Variants in EPHB1 observed in about 807,000 individuals in gnomAD.
The protein encoded by EPHB1 is EPH receptor B1.
EPHB1 carries 30 observed loss-of-function variants against 94.4 expected under a neutral mutation model. The ratio of observed to expected loss-of-function variants is 0.32; its 90% CI spans 0.24 to 0.43. EPHB1 has a LOEUF of 0.43. Ranked by LOEUF, EPHB1 falls within the 20% of genes least tolerant of loss-of-function variation. The pLI is 1.00. For synonymous variants in EPHB1, 522 were observed against 489.1 expected, an observed-to-expected ratio of 1.07 and a Z score of -0.89; for missense variants, 1,055 against 1,308.3, an observed-to-expected ratio of 0.81 and a Z score of 2.99.
intron 1 of EPHB1, among the ~76,000 whole-genome samples, chr3:134,907,497 G>A (rs36218): frequency 0.42 from 64,348 of 152,064 alleles, 16,207 homozygotes; most frequent in African/African-American, 0.69. Context: ...GTGAAGTTCC[G>A]TGTCATTTTG....
At chr3:135,067,075 C>T (rs1293829673) in intron 3 of EPHB1, among the ~76,000 whole-genome samples, 2 of 152,160 alleles carry the variant, frequency 1.3e-5, no homozygotes, top group Non-Finnish European at 2.9e-5. Flanking sequence ...GATACCAGCA[C>T]CTGTTCTGGT....
intron 2 of EPHB1, among the ~76,000 whole-genome samples, chr3:134,942,726 A>G (rs569334134): frequency 6.6e-6 from 1 of 152,342 alleles, no homozygotes; most frequent in South Asian, 2.1e-4. Context: ...AGTGAGATGA[A>G]AATGGAGTGG....
intron 3 of EPHB1, among the ~76,000 whole-genome samples, chr3:135,078,653 A>C (rs1391790911): frequency 1.3e-5 from 2 of 152,274 alleles, no homozygotes; most frequent in Non-Finnish European, 2.9e-5. Flanking sequence ...AGAGAGGAAG[A>C]GGGAGTATGG....
intron 1 of EPHB1, among the ~76,000 whole-genome samples, chr3:134,850,970 G>A (rs2036970480): frequency 6.6e-6 from 1 of 152,266 alleles, no homozygotes; most frequent in Non-Finnish European, 1.5e-5. Context: ...ACAATGGAAG[G>A]ATGGGCCTTG....
intron 3 of EPHB1, among the ~76,000 whole-genome samples, chr3:135,030,756 T>G (rs1936416551): frequency 6.6e-6 from 1 of 152,212 alleles, no homozygotes; most frequent in South Asian, 2.1e-4. Flanking sequence ...CTCCACCCAG[T>G]TCAAGCTTCC....
intron 2 of EPHB1, among the ~76,000 whole-genome samples, chr3:134,937,964 A>T (rs1207753967): frequency 1.9e-4 from 17 of 89,362 alleles, no homozygotes; most frequent in African/African-American, 5.5e-4. Context: ...CCTCCTTGTT[A>T]TAGGGCTGGC....
chr3:134,885,727 G>A (rs1402694475), intron 1 of EPHB1, among the ~76,000 whole-genome samples: 2 of 152,202 alleles, frequency 1.3e-5, no homozygotes, highest in Non-Finnish European at 2.9e-5. Flanking sequence ...AGTTACTGTT[G>A]TCTAGGCAGA....
At chr3:135,234,476 C>T (rs981334019) in intron 12 of EPHB1, among the ~76,000 whole-genome samples, 1 of 152,210 alleles carries the variant, frequency 6.6e-6, no homozygotes, top group Non-Finnish European at 1.5e-5. Flanking sequence ...ACTGTTCCAA[C>T]CTCTGCCTGT....
At chr3:135,142,607 G>A (rs929872558) in intron 5 of EPHB1, among the ~76,000 whole-genome samples, 52 of 152,190 alleles carry the variant, frequency 3.4e-4, no homozygotes, top group Non-Finnish European at 4.4e-5. Flanking sequence ...GAGTTGCAGT[G>A]GGCTCATCTG....
At chr3:134,839,358 G>A (rs2036735885) in intron 1 of EPHB1, among the ~76,000 whole-genome samples, 1 of 152,130 alleles carries the variant, frequency 6.6e-6, no homozygotes, top group Non-Finnish European at 1.5e-5. Flanking sequence ...AGCTTCACCT[G>A]GACTTTTAGA....
At chr3:134,943,401 C>T (rs2039157569) in intron 2 of EPHB1, among the ~76,000 whole-genome samples, 1 of 152,208 alleles carries the variant, frequency 6.6e-6, no homozygotes. Context: ...TATATTCCGA[C>T]CAGGGCATGA....
intron 3 of EPHB1, among the ~76,000 whole-genome samples, chr3:135,053,025 G>GTATATATATATATATATATATATA (rs1389207071): frequency 2.2e-5 from 2 of 90,642 alleles, no homozygotes; most frequent in Non-Finnish European, 4.1e-5. Context: ...GTGTGTGTGT[G>GTATATATATATATATATATATATA]TGTATATATA....
chr3:134,969,798 G>C (rs1933899097), intron 3 of EPHB1, among the ~76,000 whole-genome samples: 1 of 152,242 alleles, frequency 6.6e-6, no homozygotes, highest in East Asian at 1.9e-4. Context: ...GAAAAAATCT[G>C]CTCATTCTGA....
At chr3:135,103,241 G>A (rs77960088) in intron 3 of EPHB1, among the ~76,000 whole-genome samples, 2 of 152,258 alleles carry the variant, frequency 1.3e-5, no homozygotes, top group East Asian at 3.9e-4. Flanking sequence ...AAAGTATTAA[G>A]TTATAAAGTC....
At chr3:135,082,692 TAGTG>T (rs1938205391) in intron 3 of EPHB1, among the ~76,000 whole-genome samples, 1 of 152,188 alleles carries the variant, frequency 6.6e-6, no homozygotes, top group South Asian at 2.1e-4. Flanking sequence ...ACACCCCAGA[TAGTG>T]AGATTCATGT....
chr3:135,112,653 C>T (rs1939502942), intron 4 of EPHB1, among the ~76,000 whole-genome samples: 1 of 149,280 alleles, frequency 6.7e-6, no homozygotes, highest in Non-Finnish European at 1.5e-5. Context: ...GGTTTTTTGT[C>T]CTTGTGATAG....
At chr3:134,847,415 G>T (rs1160816266) in intron 1 of EPHB1, among the ~76,000 whole-genome samples, 3 of 152,224 alleles carry the variant, frequency 2.0e-5, no homozygotes, top group African/African-American at 4.8e-5. Flanking sequence ...TCTGTAAAAT[G>T]TGGACACTCC....
At chr3:135,247,874 C>T (rs773493359) in intron 13 of EPHB1, among the ~76,000 whole-genome samples, 1 of 152,126 alleles carries the variant, frequency 6.6e-6, no homozygotes, top group African/African-American at 2.4e-5. Context: ...AGAATGAGTC[C>T]ACCACAAGTT....
At chr3:134,940,088 T>C (rs2039083310) in intron 2 of EPHB1, among the ~76,000 whole-genome samples, 1 of 151,908 alleles carries the variant, frequency 6.6e-6, no homozygotes, top group African/African-American at 2.4e-5. Flanking sequence ...GGAAGGGGAC[T>C]GCTGGTTGTT....
Sources: allele counts gnomAD v4.1 joint callset (sites outside exome capture counted in the v4.1 genomes callset), GRCh38; gene constraint gnomAD v4.1.1; transcripts MANE v1.5; gene names NCBI Gene and HGNC (gene_info 2026-07-23, HGNC 2026-07-21).